Variants in SND1 observed in about 807,000 individuals in gnomAD.
SND1 encodes staphylococcal nuclease domain-containing protein 1.
A neutral mutation model predicts 121.7 loss-of-function variants in SND1; 38 were observed. The ratio of observed to expected loss-of-function variants is 0.31; its 90% CI spans 0.24 to 0.41. The LOEUF (loss-of-function observed/expected upper bound fraction) is 0.41, where lower values mean the gene tolerates loss of function less well. SND1 is among the 10% of genes least tolerant of loss of function. The pLI is 1.00. For synonymous variants in SND1, 401 were observed against 447.4 expected, an observed-to-expected ratio of 0.90 and a Z score of 1.31; for missense variants, 868 against 1,184.6, an observed-to-expected ratio of 0.73 and a Z score of 3.92.
At position 128,058,938 on chromosome 7, in the gene SND1, C is replaced by T. The variant is rs538862880; in HGVS notation, c.1780-15564C>T. 1.1e-4 allele frequency among the ~76,000 whole-genome samples: 17 copies of T among 152,214 alleles called. 1 individual carries two copies. Among genetic ancestry groups the T allele is most frequent in the Non-Finnish European group, 1.9e-4 (13 of 68,002 alleles). Reference sequence around the variant, plus strand: ...TCCCCTTGCCCATCCTTCAAGTCAGCTCTCTCCAGCTTTTCCTCTGAGCTG... The same window carrying T: ...TCCCCTTGCCCATCCTTCAAGTCAGTTCTCTCCAGCTTTTCCTCTGAGCTG... On this transcript the variant is annotated intron_variant, in intron 16 of 23. Coordinates refer to ENST00000354725, the MANE Select transcript of SND1 (RefSeq NM_014390.4).
chr7:127,902,497 A>G (rs1396959780), intron 13 of SND1, among the ~76,000 whole-genome samples: 1 of 152,148 alleles, frequency 6.6e-6, no homozygotes, highest in African/African-American at 2.4e-5. Flanking sequence ...TAGAAATAGG[A>G]CATGCAAGAT....
chr7:127,858,161 C>G lies in SND1; in HGVS notation c.1343+13737C>G, dbSNP rs573074579. 2.1e-4 allele frequency: 169 copies of G among 822,108 alleles called. 2 individuals are homozygous for G. The East Asian group carries it at 4.1e-3, about 20-fold the overall frequency. 50.9% of individuals were successfully genotyped at this position (822,108 alleles called of 1,614,324 possible). On this transcript the variant is annotated intron_variant, in intron 12 of 23. Coordinates refer to ENST00000354725, the MANE Select transcript of SND1 (RefSeq NM_014390.4). ...TGTGGGGGTGTGGGATTGTGGGGTC[C>G]CTAGGGCCTGGCACCCCAAACCCTT...
At chr7:127,962,566 C>T (rs1217314017) in intron 15 of SND1, among the ~76,000 whole-genome samples, 1 of 152,158 alleles carries the variant, frequency 6.6e-6, no homozygotes, top group African/African-American at 2.4e-5. Flanking sequence ...TTTAGGAATG[C>T]CCATGTTTCC....
At chr7:127,674,152 C>G (rs1795577047) in intron 1 of SND1, among the ~76,000 whole-genome samples, 1 of 152,018 alleles carries the variant, frequency 6.6e-6, no homozygotes, top group South Asian at 2.1e-4. Context: ...CTGCCCTCCT[C>G]CCTCCTTCCG....
intron 10 of SND1, among the ~76,000 whole-genome samples, chr7:127,766,560 G>A (rs1447884944): frequency 1.3e-5 from 2 of 151,956 alleles, no homozygotes; most frequent in Non-Finnish European, 2.9e-5. Context: ...CGAATCACGA[G>A]GTCAGGAGAT....
chr7:128,004,246 C>T (rs1405247519), intron 16 of SND1, among the ~76,000 whole-genome samples: 1 of 132,706 alleles, frequency 7.5e-6, no homozygotes, highest in Non-Finnish European at 1.6e-5. Flanking sequence ...TTGGTTTTGC[C>T]AGCTGCAAAA....
chr7:128,079,437 T>C (rs959470164), intron 17 of SND1, among the ~76,000 whole-genome samples: 6 of 152,208 alleles, frequency 3.9e-5, no homozygotes, highest in Non-Finnish European at 7.4e-5. Flanking sequence ...TACAGAGGTC[T>C]CTGGTGATGG....
At chr7:127,841,180 G>A (rs906094805) in intron 11 of SND1, among the ~76,000 whole-genome samples, 13 of 152,134 alleles carry the variant, frequency 8.5e-5, no homozygotes, top group Non-Finnish European at 1.5e-4. Flanking sequence ...GTTCCTCTGT[G>A]CTAAACAGCT....
chr7:127,927,591 A>G (rs1186336694), intron 14 of SND1, among the ~76,000 whole-genome samples: 3 of 152,218 alleles, frequency 2.0e-5, no homozygotes, highest in Non-Finnish European at 4.4e-5. Flanking sequence ...CCTAAAGCTC[A>G]TGGTTACCTT....
intron 12 of SND1, among the ~76,000 whole-genome samples, chr7:127,861,736 G>A (rs1299293066): frequency 6.6e-6 from 1 of 152,206 alleles, no homozygotes; most frequent in African/African-American, 2.4e-5. Flanking sequence ...CTCCTGAAGT[G>A]CTGGGATTAC....
At chr7:127,947,283 C>T (rs1801348561) in intron 15 of SND1, among the ~76,000 whole-genome samples, 1 of 152,120 alleles carries the variant, frequency 6.6e-6, no homozygotes, top group African/African-American at 2.4e-5. Context: ...GTCTGGAAGC[C>T]TCTGGAAATG....
chr7:127,902,129 C>T (rs927649765), intron 13 of SND1, among the ~76,000 whole-genome samples: 8 of 152,150 alleles, frequency 5.3e-5, no homozygotes, highest in African/African-American at 1.4e-4. Flanking sequence ...GCTTTTGCCT[C>T]GAGGATCTTT....
chr7:128,020,274 TC>T (rs1314109347), intron 16 of SND1, among the ~76,000 whole-genome samples: 1 of 151,990 alleles, frequency 6.6e-6, no homozygotes, highest in Non-Finnish European at 1.5e-5. Flanking sequence ...GGAAAGGCCT[TC>T]CCCCCTCCCA....
chr7:127,663,677 T>C (rs1360894446), intron 1 of SND1, among the ~76,000 whole-genome samples: 1 of 152,004 alleles, frequency 6.6e-6, no homozygotes, highest in Non-Finnish European at 1.5e-5. Context: ...CGCCTGGCCT[T>C]ACTGTACTTC....
At chr7:127,915,469 C>T (rs1186340262) in intron 14 of SND1, among the ~76,000 whole-genome samples, 2 of 152,096 alleles carry the variant, frequency 1.3e-5, no homozygotes, top group African/African-American at 4.8e-5. Context: ...TAACATATGC[C>T]ATCTCTGTCT....
chr7:127,979,029 C>T (rs1273168555), intron 15 of SND1, among the ~76,000 whole-genome samples: 1 of 152,098 alleles, frequency 6.6e-6, no homozygotes, highest in Non-Finnish European at 1.5e-5. Context: ...TGCTTCAGAG[C>T]GTGTTGGCGA....
At chr7:127,726,325 C>T (rs1049056595) in intron 10 of SND1, among the ~76,000 whole-genome samples, 29 of 152,290 alleles carry the variant, frequency 1.9e-4, no homozygotes, top group Admixed American at 1.4e-3. Flanking sequence ...CTGATGTTGA[C>T]GGTGTTTCTG....
chr7:127,935,909 G>A (rs1801051579), intron 15 of SND1, among the ~76,000 whole-genome samples: 1 of 152,178 alleles, frequency 6.6e-6, no homozygotes, highest in African/African-American at 2.4e-5. Flanking sequence ...AGAGCCTTCT[G>A]TACTTCAAGG....
At chr7:127,783,707 A>AG (rs1393419205) in intron 10 of SND1, among the ~76,000 whole-genome samples, 1 of 152,170 alleles carries the variant, frequency 6.6e-6, no homozygotes, top group Non-Finnish European at 1.5e-5. Context: ...AAATTTTATG[A>AG]GAAAAAAAAA....
Sources: allele counts gnomAD v4.1 joint callset (sites outside exome capture counted in the v4.1 genomes callset), GRCh38; gene constraint gnomAD v4.1.1; transcripts MANE v1.5; gene names NCBI Gene and HGNC (gene_info 2026-07-23, HGNC 2026-07-21).